Variants in MSI2 observed in about 807,000 individuals in gnomAD.
The protein encoded by MSI2 is RNA-binding protein Musashi homolog 2.
In MSI2, 17 loss-of-function variants were observed where a neutral mutation model predicts 45.6. The ratio of observed to expected loss-of-function variants is 0.37; its 90% CI spans 0.26 to 0.56. The LOEUF is 0.56. Ranked by LOEUF, MSI2 falls within the 20% of genes least tolerant of loss-of-function variation. The pLI, the probability that MSI2 is intolerant of heterozygous loss-of-function variation, is 0.77. For missense variants in MSI2, 293 were observed against 444.2 expected (o/e 0.66, Z 3.06); for synonymous variants, 156 against 158.2 (o/e 0.99, Z 0.11).
chr17:57,667,762 T>G (rs1184447722), intron 11 of MSI2, among the ~76,000 whole-genome samples: 2 of 152,170 alleles, frequency 1.3e-5, no homozygotes, highest in African/African-American at 4.8e-5. Context: ...ATCCCCAGAA[T>G]TTACACCATG....
At chr17:57,392,301 G>A (rs59663173) in intron 5 of MSI2, among the ~76,000 whole-genome samples, 16,098 of 152,174 alleles carry the variant, frequency 0.11, 1,140 homozygotes, top group African/African-American at 0.2. Context: ...AGAGGAAGTA[G>A]TATTTTTTAA....
At chr17:57,534,764 C>A (rs1198186629) in intron 7 of MSI2, among the ~76,000 whole-genome samples, 2 of 152,202 alleles carry the variant, frequency 1.3e-5, no homozygotes, top group African/African-American at 4.8e-5. Context: ...CCCTGTCCCT[C>A]ACTTCATTTC....
intron 5 of MSI2, among the ~76,000 whole-genome samples, chr17:57,393,337 C>T (rs923276379): frequency 2.6e-5 from 4 of 152,178 alleles, no homozygotes; most frequent in East Asian, 1.9e-4. Context: ...GAAACACTTC[C>T]GGTTCCACAC....
the MSI2 span, among the ~76,000 whole-genome samples, chr17:57,690,605 C>T: frequency 6.6e-6 from 1 of 152,160 alleles, no homozygotes; most frequent in Admixed American, 6.5e-5. Context: ...GGTGACAGTG[C>T]AAGACCCTGT....
intron 6 of MSI2, among the ~76,000 whole-genome samples, chr17:57,442,595 G>A (rs1382155128): frequency 6.6e-6 from 1 of 152,082 alleles, no homozygotes; most frequent in Non-Finnish European, 1.5e-5. Flanking sequence ...CTCTCCTCGT[G>A]TGTTTCTTCT....
intron 8 of MSI2, among the ~76,000 whole-genome samples, chr17:57,597,658 C>T (rs542409323): frequency 1.8e-4 from 28 of 152,046 alleles, no homozygotes; most frequent in Non-Finnish European, 3.4e-4. Flanking sequence ...AATGTAAAAG[C>T]CGTTCTCAAT....
At chr17:57,382,543 T>G (rs116224454) in intron 5 of MSI2, among the ~76,000 whole-genome samples, 1 of 152,114 alleles carries the variant, frequency 6.6e-6, no homozygotes, top group Non-Finnish European at 1.5e-5. Flanking sequence ...GTCAGAGACA[T>G]GTGGTTGGAG....
intron 5 of MSI2, among the ~76,000 whole-genome samples, chr17:57,327,943 G>C (rs1054722271): frequency 5.9e-5 from 9 of 152,174 alleles, no homozygotes; most frequent in Non-Finnish European, 1.3e-4. Flanking sequence ...TGGGACAGGT[G>C]AGTTGCATTT....
intron 11 of MSI2, among the ~76,000 whole-genome samples, chr17:57,663,660 A>G (rs1233835895): frequency 6.6e-6 from 1 of 152,200 alleles, no homozygotes; most frequent in Non-Finnish European, 1.5e-5. Flanking sequence ...AGCAGACACT[A>G]TGGACCGGTG....
chr17:57,692,352 G>A, the MSI2 span, among the ~76,000 whole-genome samples: 14 of 152,006 alleles, frequency 9.2e-5, no homozygotes, highest in Non-Finnish European at 1.3e-4. Flanking sequence ...AAATGAGTTG[G>A]GAAATAGTTC....
chr17:57,532,409 G>A (rs1598374268), intron 7 of MSI2: 3 of 152,280 alleles, frequency 2.0e-5, no homozygotes, highest in South Asian at 2.1e-4. Context: ...TGGGAGCAGC[G>A]GCCCATACAC....
At chr17:57,678,611 G>A (rs1414421513) in intron 13 of MSI2, among the ~76,000 whole-genome samples, 1 of 150,888 alleles carries the variant, frequency 6.6e-6, no homozygotes. Context: ...AAGGAGTGGT[G>A]CAGGGCTTCC....
intron 5 of MSI2, among the ~76,000 whole-genome samples, chr17:57,334,619 C>T (rs1249031801): frequency 2.0e-5 from 3 of 152,122 alleles, no homozygotes; most frequent in Non-Finnish European, 2.9e-5. Flanking sequence ...CATGGTAAAA[C>T]TCCGTCTCTA....
At chr17:57,595,650 G>A (rs544736975) in intron 7 of MSI2, among the ~76,000 whole-genome samples, 12 of 150,734 alleles carry the variant, frequency 8.0e-5, no homozygotes, top group South Asian at 4.2e-4. Context: ...CCATCCTCAC[G>A]AACTCATCAC....
chr17:57,579,544 C>T (rs1324785557), intron 7 of MSI2, among the ~76,000 whole-genome samples: 1 of 152,214 alleles, frequency 6.6e-6, no homozygotes, highest in South Asian at 2.1e-4. Flanking sequence ...CTCCCCTAGA[C>T]AGTCACCTCT....
intron 5 of MSI2, among the ~76,000 whole-genome samples, chr17:57,287,001 C>G (rs995772423): frequency 1.3e-5 from 2 of 151,932 alleles, no homozygotes; most frequent in Non-Finnish European, 2.9e-5. Context: ...AGGCAACTGG[C>G]TCGCGCCGCA....
rs530960727 is a variant in MSI2, at chr17:57,356,125, T to G, written c.313-45254T>G. ...CCTGACCTCAGGTGATCTGCCCGCC[T>G]CAGCCTCCCAAAGTGCTGGGATTAC... On this transcript the variant is annotated intron_variant, in intron 5 of 13. Coordinates refer to ENST00000284073, the MANE Select transcript of MSI2 (RefSeq NM_138962.4). Among the ~76,000 whole-genome samples the G allele has an allele frequency of 4.5e-4, 69 of 152,292 alleles. 1 individual carries two copies. In the South Asian group the frequency reaches 4.8e-3, roughly 11 times the overall value.
intron 5 of MSI2, among the ~76,000 whole-genome samples, chr17:57,400,247 C>CT (rs11366722): frequency 1.4e-5 from 2 of 145,144 alleles, no homozygotes; most frequent in African/African-American, 5.1e-5. Flanking sequence ...TGTCATTCTC[C>CT]TTTTTTTTTT....
downstream of MSI2, among the ~76,000 whole-genome samples, chr17:57,687,706 G>C (rs908935152): frequency 6.6e-6 from 1 of 152,046 alleles, no homozygotes; most frequent in African/African-American, 2.4e-5. Context: ...AATATGGAAA[G>C]AAAGCTCTCC....
Sources: allele counts gnomAD v4.1 joint callset (sites outside exome capture counted in the v4.1 genomes callset), GRCh38; gene constraint gnomAD v4.1.1; transcripts MANE v1.5; gene names NCBI Gene and HGNC (gene_info 2026-07-23, HGNC 2026-07-21).